The following NEK10 variants were observed in gnomAD, a reference collection of about 807,000 sequenced individuals.
NEK10 encodes the protein serine/threonine-protein kinase Nek10.
In NEK10, 122 loss-of-function variants were observed where a neutral mutation model predicts 159.8. The ratio of observed to expected loss-of-function variants is 0.76; its 90% CI spans 0.66 to 0.89. The LOEUF is 0.89. NEK10 is among the 40% of genes least tolerant of loss of function. The pLI, the probability that NEK10 is intolerant of heterozygous loss-of-function variation, is 0.00. For missense variants in NEK10, 1,342 were observed against 1,323.1 expected, an observed-to-expected ratio of 1.01 and a Z score of -0.22; for synonymous variants, 466 against 457.1, an observed-to-expected ratio of 1.02 and a Z score of -0.25.
intron 32 of NEK10, among the ~76,000 whole-genome samples, chr3:27,124,917 CT>C (rs1001280419): frequency 1.1e-4 from 17 of 151,760 alleles, no homozygotes; most frequent in Non-Finnish European, 2.2e-4. Context: ...TGTGTGAACC[CT>C]TTTTTTTGCC....
chr3:27,124,493 AC>A (rs1941711428), intron 32 of NEK10, among the ~76,000 whole-genome samples: 1 of 152,174 alleles, frequency 6.6e-6, no homozygotes, highest in African/African-American at 2.4e-5. Context: ...GGCAAGTATT[AC>A]CCCCTTTTAC....
intron 20 of NEK10, 46 bp downstream of exon 20, chr3:27,287,652 C>T (rs1157194430): frequency 6.5e-7 from 1 of 1,540,154 alleles, no homozygotes; most frequent in Non-Finnish European, 8.7e-7. Context: ...ATATATGTGA[C>T]AAAAATGTTT....
chr3:27,265,058 C>T (rs922275137), intron 22 of NEK10, among the ~76,000 whole-genome samples: 2 of 152,140 alleles, frequency 1.3e-5, no homozygotes, highest in African/African-American at 4.8e-5. Flanking sequence ...TTCCTTTCAG[C>T]AAAATAAGAA....
At chr3:27,360,038 CA>C (rs1245724453) in intron 1 of NEK10, among the ~76,000 whole-genome samples, 4 of 152,130 alleles carry the variant, frequency 2.6e-5, no homozygotes, top group Non-Finnish European at 4.4e-5. Flanking sequence ...ATAAGGTGAG[CA>C]AAAAGTTGAG....
At chr3:27,254,533 T>C (rs528225583) in intron 23 of NEK10, among the ~76,000 whole-genome samples, 7 of 152,306 alleles carry the variant, frequency 4.6e-5, no homozygotes, top group Non-Finnish European at 7.4e-5. Flanking sequence ...TTTAACTCCA[T>C]ACTCAGTTAA....
chr3:27,300,491 C>T (rs1306101786), intron 13 of NEK10, among the ~76,000 whole-genome samples: 8 of 152,042 alleles, frequency 5.3e-5, no homozygotes, highest in African/African-American at 1.7e-4. Context: ...TGGACTAATA[C>T]GGGTATAGAA....
chr3:27,184,213 C>T (rs993264566), intron 26 of NEK10, among the ~76,000 whole-genome samples: 1 of 152,144 alleles, frequency 6.6e-6, no homozygotes, highest in African/African-American at 2.4e-5. Context: ...AAACAAATTA[C>T]GGTGTAGTCA....
At chr3:27,248,330 CT>C (rs553258923) in intron 23 of NEK10, among the ~76,000 whole-genome samples, 539 of 151,888 alleles carry the variant, frequency 3.5e-3, no homozygotes, top group African/African-American at 0.012. Context: ...TTTTGTTGAT[CT>C]TTTGTATTGT....
intron 22 of NEK10, among the ~76,000 whole-genome samples, chr3:27,262,950 T>A (rs2040544262): frequency 6.6e-6 from 1 of 152,102 alleles, no homozygotes; most frequent in South Asian, 2.1e-4. Flanking sequence ...ATCTTTGTGG[T>A]TTTGTCTACC....
chr3:27,276,274 C>T (rs1362083113), intron 22 of NEK10, among the ~76,000 whole-genome samples: 1 of 151,944 alleles, frequency 6.6e-6, no homozygotes, highest in African/African-American at 2.4e-5. Flanking sequence ...TACTTTGTGC[C>T]ATGTGCTATG....
chr3:27,356,202 G>A (rs1575907557), intron 1 of NEK10, among the ~76,000 whole-genome samples: 1 of 152,146 alleles, frequency 6.6e-6, no homozygotes, highest in Admixed American at 6.6e-5. Context: ...CCAGCCTCCA[G>A]AACTGTTCTT....
intron 5 of NEK10, among the ~76,000 whole-genome samples, chr3:27,338,086 C>T (rs2149747583): frequency 1.3e-5 from 2 of 152,014 alleles, no homozygotes; most frequent in Middle Eastern, 6.8e-3. Context: ...TAATGCTATC[C>T]CTCTCCCAGC....
intron 12 of NEK10, among the ~76,000 whole-genome samples, chr3:27,303,890 G>A (rs1445115): frequency 0.23 from 35,336 of 152,124 alleles, 4,474 homozygotes; most frequent in Middle Eastern, 0.37. Context: ...TCATAAAGAC[G>A]ATCCAGTTCA....
chr3:27,265,802 A>C (rs2040838089), intron 22 of NEK10: 1 of 130,572 alleles, frequency 7.7e-6, no homozygotes, highest in South Asian at 2.3e-4. Context: ...ATTTGCAAAT[A>C]TTTCCTTTTT....
At position 27,322,174 on chromosome 3, in the gene NEK10, A is replaced by T; in HGVS notation, c.447+3T>A. On this transcript the variant is annotated splice_donor_region_variant and intron_variant, in intron 6 of 35. Transcript: ENST00000691995. ...AAAAAAAAATTGTATTTTTCCAACC[A>T]ACCTGATAACATGGATCCCTCATTA... The T allele has an allele frequency of 6.7e-7, 1 of 1,502,116 alleles. No homozygotes were observed. Among genetic ancestry groups the T allele is most frequent in the Non-Finnish European group, 9.1e-7 (1 of 1,103,878 alleles). 93.0% of individuals were successfully genotyped at this position (1,502,116 alleles called of 1,614,324 possible).
At chr3:27,331,912 A>C (rs930393853) in intron 5 of NEK10, among the ~76,000 whole-genome samples, 2 of 152,220 alleles carry the variant, frequency 1.3e-5, no homozygotes, top group African/African-American at 2.4e-5. Flanking sequence ...TAAAATAATA[A>C]GGATACTAAC....
chr3:27,307,806 T>A (rs940852587), intron 11 of NEK10, 53 bp downstream of exon 11: 36 of 823,832 alleles, frequency 4.4e-5, no homozygotes, highest in Non-Finnish European at 7.3e-5. Context: ...ATAACAAGTG[T>A]ATCTGTCAAA....
chr3:27,141,507 A>T lies in NEK10; in HGVS notation c.2945T>A (p.Leu982Gln), dbSNP rs1479172002. The T allele has an allele frequency of 1.2e-6, 2 of 1,613,010 alleles. No individual in the cohort carries two copies. Among genetic ancestry groups the T allele is most frequent in the Non-Finnish European group, 1.7e-6 (2 of 1,179,334 alleles). Residue 982 changes from leucine (L) to glutamine (Q), a missense_variant, in exon 31 of 36, where the codon CTG (leucine) becomes CAG (glutamine). By Grantham distance (113) the Leu-to-Gln change is moderately radical. Transcript: ENST00000691995. ...CTGTGTGATATAGATTATTTTGTGCAGCTGAATTAATATCTGCTGAATAGG... is the reference window on the plus strand; with the variant it reads ...CTGTGTGATATAGATTATTTTGTGCTGCTGAATTAATATCTGCTGAATAGG... ...SDPIQQILIQ[L>Q]HKIIYITQLP...
intron 23 of NEK10, among the ~76,000 whole-genome samples, chr3:27,204,755 T>C (rs1298107712): frequency 1.4e-5 from 2 of 141,900 alleles, no homozygotes; most frequent in African/African-American, 5.1e-5. Flanking sequence ...TTGTGAATGA[T>C]GCCGCAATAA....
Sources: gnomAD v4.1 joint callset for allele counts (sites outside exome capture counted in the v4.1 genomes callset) on GRCh38, gnomAD v4.1.1 for gene constraint, MANE v1.5 for transcripts, NCBI Gene and HGNC (gene_info 2026-07-23, HGNC 2026-07-21) for gene names.